The following CCDC192 variants were observed in gnomAD, a reference collection of about 807,000 sequenced individuals.
CCDC192 encodes coiled-coil domain-containing protein 192.
At chr5:127,800,390 AAAAAAAAAAAAC>A (rs1183159304) in intron 5 of CCDC192, among the ~76,000 whole-genome samples, 4 of 139,062 alleles carry the variant, frequency 2.9e-5, no homozygotes, top group Admixed American at 2.2e-4. Flanking sequence ...AAAAAAAAAA[AAAAAAAAAAAAC>A]AACAACAACA....
intron 5 of CCDC192, among the ~76,000 whole-genome samples, chr5:127,831,105 A>G (rs1191621266): frequency 3.3e-5 from 5 of 152,180 alleles, no homozygotes; most frequent in Non-Finnish European, 7.4e-5. Context: ...GTAAATAAGT[A>G]CTGGAGACAT....
At chr5:127,920,968 G>C (rs1487609995) in intron 6 of CCDC192, among the ~76,000 whole-genome samples, 2 of 151,824 alleles carry the variant, frequency 1.3e-5, no homozygotes, top group African/African-American at 4.8e-5. Context: ...GCTGAGGAAG[G>C]TGAGGCTGCA....
chr5:127,744,529 A>T (rs1753626840), intron 2 of CCDC192, among the ~76,000 whole-genome samples: 2 of 152,202 alleles, frequency 1.3e-5, no homozygotes, highest in Non-Finnish European at 1.5e-5. Flanking sequence ...ATTCTCCAAA[A>T]CTGACCTATG....
intron 3 of CCDC192, among the ~76,000 whole-genome samples, chr5:127,796,181 T>G (rs1284517276): frequency 1.3e-5 from 2 of 152,254 alleles, no homozygotes; most frequent in Non-Finnish European, 2.9e-5. Context: ...GATAATGTGC[T>G]TATTTCCTTG....
chr5:127,828,774 AG>A (rs1377086233), intron 5 of CCDC192, among the ~76,000 whole-genome samples: 2 of 152,200 alleles, frequency 1.3e-5, no homozygotes, highest in South Asian at 4.1e-4. Flanking sequence ...ATCAAGGAGA[AG>A]GGTATTATAT....
intron 6 of CCDC192, among the ~76,000 whole-genome samples, chr5:127,912,560 C>A (rs372481191): frequency 2.0e-4 from 31 of 151,964 alleles, no homozygotes; most frequent in East Asian, 7.7e-4. Context: ...CAGGAGAACA[C>A]CGAGCCTCTG....
intron 5 of CCDC192, among the ~76,000 whole-genome samples, chr5:127,858,469 TATC>T (rs979441397): frequency 6.6e-6 from 1 of 152,252 alleles, no homozygotes; most frequent in Non-Finnish European, 1.5e-5. Context: ...TCACTTTTCT[TATC>T]ATAAGCTCTC....
intron 5 of CCDC192, among the ~76,000 whole-genome samples, chr5:127,813,392 C>A (rs1243108557): frequency 6.6e-6 from 1 of 151,684 alleles, no homozygotes; most frequent in Non-Finnish European, 1.5e-5. Context: ...ATATCAATAC[C>A]CTCTTTTGCA....
At chr5:127,756,116 G>A (rs1179141864) in intron 3 of CCDC192, among the ~76,000 whole-genome samples, 2 of 151,214 alleles carry the variant, frequency 1.3e-5, no homozygotes, top group African/African-American at 2.4e-5. Context: ...CTGGGCGACA[G>A]AGCCAGACTC....
In CCDC192 at chr5:127,746,246, A is replaced by T. The variant is rs558490997; in HGVS notation, c.115-8022A>T. 7.9e-5 allele frequency among the ~76,000 whole-genome samples: 12 copies of T among 152,340 alleles called. No individual in the cohort carries two copies. The East Asian group carries it at 1.9e-3, about 24-fold the overall frequency. On this transcript the variant is annotated intron_variant, in intron 2 of 6. Coordinates refer to ENST00000514853, the MANE Select transcript of CCDC192 (RefSeq NM_001317938.2). ...ATGACAATTTCCTAAATTTGTCTGT[A>T]TGAAAAGTCCTATGTTATTTAATAA... is the stretch of plus-strand genomic sequence containing the variant.
chr5:127,759,851 C>A (rs1754813741), intron 3 of CCDC192, among the ~76,000 whole-genome samples: 1 of 152,224 alleles, frequency 6.6e-6, no homozygotes, highest in Non-Finnish European at 1.5e-5. Context: ...TCTTTCTCAT[C>A]TCTTCATCTG....
intron 3 of CCDC192, among the ~76,000 whole-genome samples, chr5:127,788,778 T>A (rs35167984): frequency 6.6e-6 from 1 of 152,200 alleles, no homozygotes; most frequent in Non-Finnish European, 1.5e-5. Context: ...CTGTTCAGAC[T>A]GGGTAATTCC....
intron 3 of CCDC192, among the ~76,000 whole-genome samples, chr5:127,790,600 T>A (rs966014300): frequency 2.6e-5 from 4 of 152,220 alleles, no homozygotes; most frequent in Admixed American, 6.5e-5. Context: ...CTTCTCATTA[T>A]CCTCTCCTCT....
At chr5:127,785,515 A>C (rs1213404482) in intron 3 of CCDC192, 2 of 186,584 alleles carry the variant, frequency 1.1e-5, no homozygotes, top group Middle Eastern at 7.7e-4. Flanking sequence ...GCCTTCCCTT[A>C]GAGTTGGAAC....
chr5:127,782,878 T>G (rs1756315510), intron 3 of CCDC192, among the ~76,000 whole-genome samples: 1 of 152,174 alleles, frequency 6.6e-6, no homozygotes, highest in South Asian at 2.1e-4. Flanking sequence ...CTTGTTCCAC[T>G]AGTTCCTTGA....
intron 2 of CCDC192, 132 bp from the exon 3 acceptor site, chr5:127,754,136 G>C: frequency 2.6e-6 from 1 of 390,954 alleles, no homozygotes; most frequent in East Asian, 3.6e-5. Flanking sequence ...AAGAAAAGGG[G>C]AGGATTTGTG....
At chr5:127,737,056 T>C (rs1267634093) in intron 2 of CCDC192, among the ~76,000 whole-genome samples, 1 of 151,514 alleles carries the variant, frequency 6.6e-6, no homozygotes, top group African/African-American at 2.4e-5. Context: ...TGCTTTCTCT[T>C]GTGGGCATTT....
upstream of CCDC192, among the ~76,000 whole-genome samples, chr5:127,702,883 G>A (rs542265992): frequency 6.6e-6 from 1 of 152,342 alleles, no homozygotes; most frequent in African/African-American, 2.4e-5. Flanking sequence ...GGTGAACAGT[G>A]AGCAAACTAC....
intron 6 of CCDC192, among the ~76,000 whole-genome samples, chr5:127,931,609 G>A (rs1322138888): frequency 6.6e-6 from 1 of 152,150 alleles, no homozygotes; most frequent in Admixed American, 6.5e-5. Context: ...CAGGTCAGCA[G>A]AAATTCACTT....
Sources: gnomAD v4.1 joint callset for allele counts (sites outside exome capture counted in the v4.1 genomes callset) on GRCh38, gnomAD v4.1.1 for gene constraint, MANE v1.5 for transcripts, NCBI Gene and HGNC (gene_info 2026-07-23, HGNC 2026-07-21) for gene names.